The following ADGRV1 variants were observed in gnomAD, a reference collection of about 807,000 sequenced individuals.
ADGRV1 encodes G-protein coupled receptor 98.
In ADGRV1, 359 loss-of-function variants were observed where a neutral mutation model predicts 596.2. That is an observed-to-expected ratio of 0.60 (90% CI 0.55 to 0.66). The LOEUF (loss-of-function observed/expected upper bound fraction) is 0.66. ADGRV1 is among the 30% of genes least tolerant of loss of function. The pLI, the probability that ADGRV1 is intolerant of heterozygous loss-of-function variation, is 0.00. For synonymous variants in ADGRV1, 2,681 were observed against 2,679.2 expected, an observed-to-expected ratio of 1.00 and a Z score of -0.02; for missense variants, 7,274 against 7,575.6, an observed-to-expected ratio of 0.96 and a Z score of 1.48.
intron 87 of ADGRV1, 29 bp downstream of exon 87, chr5:91,102,369 C>A: frequency 6.4e-7 from 1 of 1,550,446 alleles, no homozygotes. Context: ...TTAGTGACAA[C>A]ATACATTTAT....
intron 33 of ADGRV1, among the ~76,000 whole-genome samples, chr5:90,696,307 T>G (rs1268416031): frequency 6.6e-6 from 1 of 152,166 alleles, no homozygotes; most frequent in East Asian, 1.9e-4. Context: ...TGCTGTCACT[T>G]GTCCCTTTGA....
chr5:90,725,259 A>ATTACTTTCTTTAAT, intron 47 of ADGRV1, 27 bp downstream of exon 47: 1 of 1,212,902 alleles, frequency 8.2e-7, no homozygotes, highest in Non-Finnish European at 1.1e-6. Flanking sequence ...TTTTAAATAG[A>ATTACTTTCTTTAAT]TTACTTTCTT....
chr5:90,620,084 A>T (rs1301019312), intron 4 of ADGRV1, among the ~76,000 whole-genome samples: 9,446 of 150,336 alleles, frequency 0.063, 368 homozygotes, highest in South Asian at 0.1. Context: ...TCTTTATAGC[A>T]GCATGATTTA....
intron 85 of ADGRV1, among the ~76,000 whole-genome samples, chr5:91,041,069 G>C (rs1043557273): frequency 2.0e-5 from 3 of 152,182 alleles, no homozygotes; most frequent in African/African-American, 7.2e-5. Flanking sequence ...CATTGTGGAA[G>C]ACAGTGTGGC....
At position 90,776,550 on chromosome 5, in the gene ADGRV1, A is replaced by T; in HGVS notation, c.12501A>T (p.Ala4167=). ...SRHILIGEPS[A]KYNGTAIISL... is the part of the protein sequence containing the mutation. ...ACATCCTCATTGGGGAACCCTCAGC[A>T]AAATATAATGGTACCGCTATTATCA... Residue 4167 remains alanine, a synonymous_variant, in exon 61 of 90, where the codon GCA becomes GCT. Coordinates refer to ENST00000405460, the MANE Select transcript of ADGRV1 (RefSeq NM_032119.4). 1 of 1,613,438 alleles carries T rather than the reference A, an allele frequency of 6.2e-7. No homozygotes were observed. Among genetic ancestry groups the T allele is most frequent in the Non-Finnish European group, 8.5e-7 (1 of 1,179,510 alleles).
At position 90,786,567 on chromosome 5, in the gene ADGRV1, G is replaced by C. The variant is rs986517654; in HGVS notation, c.13654-1504G>C. Among the ~76,000 whole-genome samples, 5 of 152,116 alleles carry C rather than the reference G, an allele frequency of 3.3e-5. No individual in the cohort carries two copies. In the East Asian group the frequency reaches 9.7e-4, roughly 29 times the overall value. On this transcript the variant is annotated intron_variant, in intron 67 of 89. Coordinates refer to ENST00000405460, the MANE Select transcript of ADGRV1 (RefSeq NM_032119.4). ...AGCATAGGAGCAGGAAGGATGGCTAGGAGGCTGTTTATTTCCCTCTACTCT... is the reference window on the plus strand; with the variant it reads ...AGCATAGGAGCAGGAAGGATGGCTACGAGGCTGTTTATTTCCCTCTACTCT...
chr5:90,915,947 C>A (rs746679722), intron 83 of ADGRV1, among the ~76,000 whole-genome samples: 24 of 152,088 alleles, frequency 1.6e-4, no homozygotes, highest in Non-Finnish European at 2.6e-4. Flanking sequence ...AGTTTTTGAT[C>A]CCCTTATATT....
At chr5:91,123,909 T>C (rs1482552533) in intron 87 of ADGRV1, among the ~76,000 whole-genome samples, 5 of 152,052 alleles carry the variant, frequency 3.3e-5, no homozygotes, top group African/African-American at 1.2e-4. Flanking sequence ...AGACAATAGA[T>C]AGATAATTCA....
At chr5:91,121,534 A>G (rs972081295) in intron 87 of ADGRV1, among the ~76,000 whole-genome samples, 5 of 152,076 alleles carry the variant, frequency 3.3e-5, no homozygotes, top group Admixed American at 6.5e-5. Context: ...TTTCTTCTTT[A>G]TGGTGTGAGA....
rs181569158 is a variant in ADGRV1, at chr5:90,870,654, G to T, written c.17856+6797G>T. On this transcript the variant is annotated intron_variant, in intron 83 of 89. Coordinates refer to ENST00000405460, the MANE Select transcript of ADGRV1 (RefSeq NM_032119.4). ...AGGAAGAAAATGGATGAGGCTACCA[G>T]ACCACACCTGTGAAGTTTGTCAATG... Among the ~76,000 whole-genome samples the T allele has an allele frequency of 2.0e-3, 307 of 152,284 alleles. 4 individuals are homozygous for T. The highest frequency in any genetic ancestry group is 0.013 in the Admixed American group (205 of 15,296).
chr5:90,675,438 A>C lies in ADGRV1; in HGVS notation c.5306A>C (p.Asp1769Ala). The C allele has an allele frequency of 1.9e-6, 3 of 1,612,660 alleles. No individual in the cohort carries two copies. The highest frequency in any genetic ancestry group is 2.5e-6 in the Non-Finnish European group (3 of 1,179,262). The change falls in exon 24 of 90, where the codon GAT becomes GCT. Residue 1769 changes from aspartate to alanine, a missense_variant. Asp to Ala is a moderately radical substitution (Grantham distance 126). Coordinates refer to ENST00000405460, the MANE Select transcript of ADGRV1 (RefSeq NM_032119.4). Reference protein sequence around the residue: ...TVSLTAFSPEDYQNVAGTLEF... With the variant: ...TVSLTAFSPEAYQNVAGTLEF... The stretch of plus-strand genomic sequence containing the variant: ...TCCTTGACAGCATTCAGTCCTGAGG[A>C]TTACCAGGTAATTTACTCAGTCCTT...
chr5:91,066,100 T>C (rs546730954), intron 85 of ADGRV1, among the ~76,000 whole-genome samples: 1 of 152,352 alleles, frequency 6.6e-6, no homozygotes, highest in Admixed American at 6.5e-5. Context: ...CAAATCCACA[T>C]GGCCGTTGTC....
chr5:90,945,454 C>T (rs1776490722), intron 83 of ADGRV1, among the ~76,000 whole-genome samples: 1 of 152,088 alleles, frequency 6.6e-6, no homozygotes, highest in Non-Finnish European at 1.5e-5. Context: ...ACTTGACCAA[C>T]ACTGAGGGCA....
intron 84 of ADGRV1, 149 bp from the exon 85 acceptor site, chr5:90,985,195 G>A: frequency 6.4e-6 from 3 of 469,822 alleles, no homozygotes. Context: ...ATGAAAGAAT[G>A]AATGTATGAA....
chr5:90,898,599 G>A (rs907272340), intron 83 of ADGRV1, among the ~76,000 whole-genome samples: 3 of 152,056 alleles, frequency 2.0e-5, no homozygotes, highest in Admixed American at 2.0e-4. Flanking sequence ...GCTTAATATA[G>A]GTTAGTATTT....
chr5:90,852,805 C>A (rs1314147443), intron 79 of ADGRV1, among the ~76,000 whole-genome samples: 1 of 152,118 alleles, frequency 6.6e-6, no homozygotes, highest in Non-Finnish European at 1.5e-5. Flanking sequence ...ATTAGGCAGG[C>A]TCTGGTGGAT....
At chr5:90,945,508 T>A (rs1776497163) in intron 83 of ADGRV1, among the ~76,000 whole-genome samples, 1 of 152,132 alleles carries the variant, frequency 6.6e-6, no homozygotes, top group Admixed American at 6.6e-5. Flanking sequence ...AATCCAGGGC[T>A]TGTTTTCAAC....
intron 28 of ADGRV1, among the ~76,000 whole-genome samples, chr5:90,685,453 C>T (rs1052183395): frequency 2.6e-5 from 4 of 151,888 alleles, no homozygotes; most frequent in African/African-American, 7.3e-5. Flanking sequence ...GGCATGGCAG[C>T]ACGTGCCTGT....
intron 87 of ADGRV1, among the ~76,000 whole-genome samples, chr5:91,132,349 T>A (rs1405242265): frequency 1.3e-5 from 2 of 152,234 alleles, no homozygotes; most frequent in African/African-American, 4.8e-5. Flanking sequence ...CACTAATACA[T>A]TTACAAATCA....
Sources: gnomAD v4.1 joint callset for allele counts (sites outside exome capture counted in the v4.1 genomes callset) on GRCh38, gnomAD v4.1.1 for gene constraint, MANE v1.5 for transcripts, NCBI Gene and HGNC (gene_info 2026-07-23, HGNC 2026-07-21) for gene names.